AGBL3: variants seen among roughly 807,000 people sequenced by gnomAD.
The protein encoded by AGBL3 is cytosolic carboxypeptidase 3.
AGBL3 carries 68 observed loss-of-function variants against 94.5 expected under a neutral mutation model. The observed-to-expected ratio is 0.72, with a 90% CI of 0.59 to 0.88. The LOEUF is 0.88. AGBL3 is among the 40% of genes least tolerant of loss of function. The probability of loss-of-function intolerance (pLI) is 0.00; values close to 1 mark genes in which losing one functional copy is unlikely to be tolerated. For synonymous variants in AGBL3, 354 were observed against 370.7 expected, an observed-to-expected ratio of 0.95 and a Z score of 0.52; for missense variants, 934 against 1,103.8, an observed-to-expected ratio of 0.85 and a Z score of 2.18.
At chr7:135,108,087 T>C (rs532470522) in intron 15 of AGBL3, among the ~76,000 whole-genome samples, 5 of 152,314 alleles carry the variant, frequency 3.3e-5, no homozygotes, top group African/African-American at 1.2e-4. Flanking sequence ...CATCCCTTTA[T>C]TTTGAGCCTA....
intron 4 of AGBL3, among the ~76,000 whole-genome samples, chr7:134,999,981 A>G (rs923150039): frequency 2.6e-5 from 4 of 152,220 alleles, no homozygotes; most frequent in Non-Finnish European, 5.9e-5. Flanking sequence ...CCAGGTGGCC[A>G]TAGGATTTGG....
intron 14 of AGBL3, 116 bp from the exon 15 acceptor site, chr7:135,081,603 A>C: frequency 1.7e-6 from 1 of 593,258 alleles, no homozygotes; most frequent in Admixed American, 3.0e-5. Flanking sequence ...CATTGAACTA[A>C]ACTACTGTCT....
chr7:135,105,961 T>C (rs1246027792), intron 15 of AGBL3, among the ~76,000 whole-genome samples: 1 of 152,162 alleles, frequency 6.6e-6, no homozygotes, highest in Non-Finnish European at 1.5e-5. Context: ...CCTCCCTAGT[T>C]ACCAATATTC....
intron 4 of AGBL3, among the ~76,000 whole-genome samples, chr7:135,015,983 A>G (rs987034091): frequency 1.4e-4 from 21 of 151,590 alleles, no homozygotes; most frequent in South Asian, 2.1e-4. Flanking sequence ...GTGAGCTGAG[A>G]TCACGCCACT....
At chr7:135,132,693 G>C (rs1828944971) in intron 16 of AGBL3, among the ~76,000 whole-genome samples, 1 of 152,118 alleles carries the variant, frequency 6.6e-6, no homozygotes, top group Admixed American at 6.6e-5. Flanking sequence ...GAGATCCGAT[G>C]GTTTTATAAA....
intron 15 of AGBL3, chr7:135,101,056 A>C: frequency 2.6e-6 from 1 of 390,058 alleles, no homozygotes; most frequent in Non-Finnish European, 5.1e-6. Context: ...TGACAATGAA[A>C]TCAGAGGACC....
chr7:135,014,029 T>C (rs1284393857), intron 4 of AGBL3, among the ~76,000 whole-genome samples: 2 of 151,868 alleles, frequency 1.3e-5, no homozygotes, highest in Non-Finnish European at 2.9e-5. Context: ...ACTCCATCTC[T>C]ACTAAAATAC....
At chr7:135,057,670 A>G (rs1237580249) in intron 11 of AGBL3, among the ~76,000 whole-genome samples, 2 of 152,182 alleles carry the variant, frequency 1.3e-5, no homozygotes, top group Non-Finnish European at 2.9e-5. Flanking sequence ...TGATCCAGCA[A>G]TTGCATTCAT....
At chr7:135,002,976 T>C (rs1007914133) in intron 4 of AGBL3, among the ~76,000 whole-genome samples, 5 of 152,224 alleles carry the variant, frequency 3.3e-5, no homozygotes, top group African/African-American at 1.2e-4. Context: ...CTGTGTCTTA[T>C]ATGTTACATG....
At chr7:135,097,638 A>G (rs979146822) in intron 15 of AGBL3, among the ~76,000 whole-genome samples, 1 of 152,146 alleles carries the variant, frequency 6.6e-6, no homozygotes, top group African/African-American at 2.4e-5. Flanking sequence ...AGCCTGTGAC[A>G]TTGAGGCTTT....
chr7:135,088,854 T>G (rs1349392225), intron 15 of AGBL3, among the ~76,000 whole-genome samples: 1 of 152,198 alleles, frequency 6.6e-6, no homozygotes, highest in Non-Finnish European at 1.5e-5. Context: ...GGTGAGGACC[T>G]TTTTCCAGTT....
At chr7:135,002,439 G>C (rs1188240342) in intron 4 of AGBL3, among the ~76,000 whole-genome samples, 1 of 152,048 alleles carries the variant, frequency 6.6e-6, no homozygotes. Context: ...TTAGGGACCA[G>C]TTATGTCTGT....
At chr7:135,007,248 C>T (rs1258885201) in intron 4 of AGBL3, among the ~76,000 whole-genome samples, 1 of 151,796 alleles carries the variant, frequency 6.6e-6, no homozygotes, top group Non-Finnish European at 1.5e-5. Context: ...AAGAAAACTA[C>T]AGGCTAATAT....
chr7:135,008,676 C>T (rs956508434), intron 4 of AGBL3, among the ~76,000 whole-genome samples: 5 of 150,520 alleles, frequency 3.3e-5, no homozygotes, highest in African/African-American at 1.2e-4. Context: ...TGTGTTTCAA[C>T]AGAAACTGTC....
intron 15 of AGBL3, 88 bp from the exon 16 acceptor site, chr7:135,115,292 G>A: frequency 1.2e-6 from 1 of 841,362 alleles, no homozygotes; most frequent in East Asian, 2.7e-5. Context: ...AGGAATTTTA[G>A]ATAAAATCCT....
chr7:135,046,247 G>T (rs1001331694), intron 11 of AGBL3, among the ~76,000 whole-genome samples: 9 of 152,026 alleles, frequency 5.9e-5, no homozygotes, highest in African/African-American at 2.2e-4. Flanking sequence ...CAAAATGGAA[G>T]GGGAAGTACG....
At chr7:134,998,614 G>C (rs4265136) in intron 4 of AGBL3, among the ~76,000 whole-genome samples, 141,819 of 152,220 alleles carry the variant, frequency 0.93, 66,856 homozygotes, top group East Asian at 1. Flanking sequence ...CTTTTATTTA[G>C]AGTAAGGATA....
At chr7:135,066,869 G>A (rs185534372) in intron 12 of AGBL3, among the ~76,000 whole-genome samples, 41 of 152,204 alleles carry the variant, frequency 2.7e-4, no homozygotes, top group African/African-American at 9.6e-4. Flanking sequence ...TCATCTCAAT[G>A]GGGATGTCGG....
chr7:135,086,041 G>A (rs1442504849), intron 15 of AGBL3, among the ~76,000 whole-genome samples: 2 of 151,960 alleles, frequency 1.3e-5, no homozygotes, highest in East Asian at 1.9e-4. Context: ...TCCTTGTAGA[G>A]ATATTTCACC....
Sources: gnomAD v4.1 joint callset for allele counts (sites outside exome capture counted in the v4.1 genomes callset) on GRCh38, gnomAD v4.1.1 for gene constraint, MANE v1.5 for transcripts, NCBI Gene and HGNC (gene_info 2026-07-23, HGNC 2026-07-21) for gene names.